The following NAV2 variants were observed in gnomAD, a reference collection of about 807,000 sequenced individuals.
NAV2 encodes neuron navigator 2, also known as helicase, APC down-regulated 1.
Under a neutral mutation model 223.2 loss-of-function variants are expected in NAV2, and 54 were observed. The observed-to-expected ratio is 0.24, with a 90% CI of 0.19 to 0.30. The LOEUF (loss-of-function observed/expected upper bound fraction) is 0.30, where lower values mean the gene tolerates loss of function less well. Ranked by LOEUF, NAV2 falls within the 10% of genes least tolerant of loss-of-function variation. The probability of loss-of-function intolerance (pLI) is 1.00; values close to 1 mark genes in which losing one functional copy is unlikely to be tolerated. For missense variants in NAV2, 2,806 were observed against 3,147.5 expected, an observed-to-expected ratio of 0.89 and a Z score of 2.60; for synonymous variants, 1,279 against 1,239.3, an observed-to-expected ratio of 1.03 and a Z score of -0.67.
At chr11:19,614,396 T>TTC (rs749767706) in intron 1 of NAV2, among the ~76,000 whole-genome samples, 6 of 151,206 alleles carry the variant, frequency 4.0e-5, no homozygotes, top group Admixed American at 6.6e-5. Context: ...CTTTCTCCCT[T>TTC]TCTCTCTCTC....
At chr11:19,498,654 A>G (rs2042872771) in intron 1 of NAV2, among the ~76,000 whole-genome samples, 4 of 152,144 alleles carry the variant, frequency 2.6e-5, no homozygotes, top group South Asian at 2.1e-4. Context: ...ATTCTGTTAC[A>G]TTCTTTCGTC....
chr11:19,779,349 C>A (rs1356636662), intron 1 of NAV2, among the ~76,000 whole-genome samples: 1 of 152,218 alleles, frequency 6.6e-6, no homozygotes, highest in Non-Finnish European at 1.5e-5. Flanking sequence ...TGGGTCTTGG[C>A]GTCCAGATAG....
At chr11:20,046,603 C>CACACACACACACACAG (rs59302725) in intron 14 of NAV2, among the ~76,000 whole-genome samples, 5,836 of 148,900 alleles carry the variant, frequency 0.039, 164 homozygotes, top group Non-Finnish European at 0.058. Flanking sequence ...CCATCACACA[C>CACACACACACACACAG]ACACACACAC....
At chr11:19,990,435 T>G (rs962069892) in intron 11 of NAV2, among the ~76,000 whole-genome samples, 3 of 152,136 alleles carry the variant, frequency 2.0e-5, no homozygotes, top group Non-Finnish European at 2.9e-5. Context: ...AAGCAATTGC[T>G]AGAGGTTCTC....
intron 1 of NAV2, among the ~76,000 whole-genome samples, chr11:19,775,804 AG>A (rs1311970901): frequency 4.6e-5 from 7 of 152,182 alleles, no homozygotes; most frequent in South Asian, 4.2e-4. Context: ...TCACGTGCAA[AG>A]GTCCTGAGGT....
intron 5 of NAV2, among the ~76,000 whole-genome samples, chr11:19,888,005 A>T (rs1410383650): frequency 2.0e-5 from 3 of 150,408 alleles, no homozygotes; most frequent in Non-Finnish European, 4.4e-5. Flanking sequence ...GCCGGGATGC[A>T]CTCGTAGGTT....
intron 1 of NAV2, among the ~76,000 whole-genome samples, chr11:19,410,171 G>A (rs1850080974): frequency 6.6e-6 from 1 of 152,144 alleles, no homozygotes; most frequent in Non-Finnish European, 1.5e-5. Flanking sequence ...CTTTCTGAGA[G>A]CTATAGAACA....
chr11:19,937,587 G>A (rs1314473694), intron 7 of NAV2, among the ~76,000 whole-genome samples: 1 of 152,166 alleles, frequency 6.6e-6, no homozygotes, highest in African/African-American at 2.4e-5. Context: ...GTACAGATGA[G>A]GATGCTGAGA....
intron 10 of NAV2, among the ~76,000 whole-genome samples, chr11:19,963,119 G>A (rs922082807): frequency 6.6e-6 from 1 of 152,236 alleles, no homozygotes; most frequent in African/African-American, 2.4e-5. Flanking sequence ...CTTTCTGCCA[G>A]TCCTGCTGTG....
chr11:19,957,638 G>A (rs1373115731), intron 10 of NAV2, among the ~76,000 whole-genome samples: 5 of 152,204 alleles, frequency 3.3e-5, no homozygotes, highest in African/African-American at 4.8e-5. Context: ...CCTTATCGGC[G>A]TCTGGGTAGG....
At chr11:20,064,318 G>A (rs988510011) in intron 20 of NAV2, among the ~76,000 whole-genome samples, 7 of 152,158 alleles carry the variant, frequency 4.6e-5, no homozygotes, top group African/African-American at 1.7e-4. Context: ...ATATAATTTA[G>A]GAGAGAAAGG....
At chr11:19,838,673 G>C (rs1345217328) in intron 2 of NAV2, among the ~76,000 whole-genome samples, 1 of 152,218 alleles carries the variant, frequency 6.6e-6, no homozygotes, top group Admixed American at 6.5e-5. Flanking sequence ...ACCCAGGCTG[G>C]AGTGCAGTGT....
At chr11:20,053,362 G>A (rs1202402592) in intron 17 of NAV2, among the ~76,000 whole-genome samples, 2 of 151,878 alleles carry the variant, frequency 1.3e-5, no homozygotes, top group African/African-American at 4.8e-5. Flanking sequence ...TTCCCTGAAT[G>A]TAAAATAGGA....
chr11:20,076,179 A>G (rs1249615491), intron 22 of NAV2, among the ~76,000 whole-genome samples: 1 of 152,148 alleles, frequency 6.6e-6, no homozygotes, highest in Non-Finnish European at 1.5e-5. Context: ...GGATCAGGTG[A>G]TTTGCTCTGT....
chr11:19,505,186 C>A (rs2043085616), intron 1 of NAV2: 3 of 152,282 alleles, frequency 2.0e-5, no homozygotes, highest in Admixed American at 1.3e-4. Flanking sequence ...AGCAACTGAA[C>A]CTTGGGGAGG....
chr11:19,910,507 A>G (rs757589268), intron 6 of NAV2, among the ~76,000 whole-genome samples: 1 of 152,162 alleles, frequency 6.6e-6, no homozygotes, highest in Non-Finnish European at 1.5e-5. Context: ...CTGTATAGGG[A>G]CACTGTAAAT....
chr11:19,575,661 T>G (rs1205719022), intron 1 of NAV2, among the ~76,000 whole-genome samples: 1 of 152,214 alleles, frequency 6.6e-6, no homozygotes, highest in Non-Finnish European at 1.5e-5. Context: ...CTAGTTTCTC[T>G]TTGCACATAA....
intron 1 of NAV2, among the ~76,000 whole-genome samples, chr11:19,743,867 G>A (rs2053085649): frequency 2.0e-5 from 3 of 152,212 alleles, no homozygotes; most frequent in African/African-American, 7.2e-5. Flanking sequence ...CCACTGGCAT[G>A]GAAGGTTTGG....
chr11:19,532,309 C>A (rs967797790), intron 1 of NAV2, among the ~76,000 whole-genome samples: 1 of 152,212 alleles, frequency 6.6e-6, no homozygotes, highest in Non-Finnish European at 1.5e-5. Context: ...AAAGGCCAAG[C>A]TTTTCAGCTC....
Sources: allele counts gnomAD v4.1 joint callset (sites outside exome capture counted in the v4.1 genomes callset), GRCh38; gene constraint gnomAD v4.1.1; transcripts MANE v1.5; gene names NCBI Gene and HGNC (gene_info 2026-07-23, HGNC 2026-07-21).